Variants in EXOC4 observed in about 807,000 individuals in gnomAD.
The protein encoded by EXOC4 is exocyst complex component 4.
A neutral mutation model predicts 107.2 loss-of-function variants in EXOC4; 71 were observed. The ratio of observed to expected loss-of-function variants is 0.66; its 90% CI spans 0.55 to 0.81. The LOEUF is 0.81. EXOC4 is among the 30% of genes least tolerant of loss of function. The pLI, the probability that EXOC4 is intolerant of heterozygous loss-of-function variation, is 0.00. For missense variants in EXOC4, 1,108 were observed against 1,189.6 expected (o/e 0.93, Z 1.01); for synonymous variants, 456 against 441.2 (o/e 1.03, Z -0.42).
At chr7:133,291,903 T>C (rs1017113910) in intron 3 of EXOC4, among the ~76,000 whole-genome samples, 3 of 152,168 alleles carry the variant, frequency 2.0e-5, no homozygotes, top group East Asian at 3.9e-4. Context: ...CAGCAACTTA[T>C]CACATATGCA....
chr7:133,270,335 GC>G (rs1793838181), intron 1 of EXOC4, among the ~76,000 whole-genome samples: 1 of 152,128 alleles, frequency 6.6e-6, no homozygotes, highest in Admixed American at 6.5e-5. Context: ...GGATGTTTTT[GC>G]AATAAATTAA....
At chr7:134,083,818 G>C in the EXOC4 span, among the ~76,000 whole-genome samples, 1 of 152,300 alleles carries the variant, frequency 6.6e-6, no homozygotes, top group East Asian at 1.9e-4. Context: ...CTCAACAGGA[G>C]GAATATCAAT....
chr7:133,957,900 C>T (rs1585278095), intron 14 of EXOC4, among the ~76,000 whole-genome samples: 1 of 152,310 alleles, frequency 6.6e-6, no homozygotes, highest in Non-Finnish European at 1.5e-5. Context: ...TTAACCCAGC[C>T]ACTATTGCCA....
intron 6 of EXOC4, among the ~76,000 whole-genome samples, chr7:133,364,312 T>A (rs1217141893): frequency 1.3e-5 from 2 of 151,838 alleles, no homozygotes; most frequent in East Asian, 3.9e-4. Flanking sequence ...AGTATTTTTT[T>A]TTTTTTTTTA....
chr7:134,068,398 G>T (rs939061802), downstream of EXOC4, among the ~76,000 whole-genome samples: 1 of 152,120 alleles, frequency 6.6e-6, no homozygotes, highest in Admixed American at 6.5e-5. Context: ...GTTTTATAAA[G>T]GGCAGTTCTC....
chr7:134,031,544 G>T (rs534747070), intron 17 of EXOC4, among the ~76,000 whole-genome samples: 2 of 152,172 alleles, frequency 1.3e-5, no homozygotes, highest in Non-Finnish European at 2.9e-5. Context: ...AGCTAACTAG[G>T]ACTAAGGAGC....
chr7:133,906,915 A>G (rs1799579762), intron 12 of EXOC4, among the ~76,000 whole-genome samples: 1 of 152,168 alleles, frequency 6.6e-6, no homozygotes, highest in Non-Finnish European at 1.5e-5. Context: ...ATGGCTTCTA[A>G]TAGAACTGTT....
intron 9 of EXOC4, among the ~76,000 whole-genome samples, chr7:133,515,649 T>C (rs1563093565): frequency 6.6e-6 from 1 of 152,102 alleles, no homozygotes; most frequent in South Asian, 2.1e-4. Flanking sequence ...TCAAATTTTT[T>C]GTAGTGACAA....
At chr7:133,517,536 G>T (rs1177922935) in intron 9 of EXOC4, among the ~76,000 whole-genome samples, 1 of 152,180 alleles carries the variant, frequency 6.6e-6, no homozygotes, top group East Asian at 1.9e-4. Context: ...GGCTGGGGAG[G>T]CCTCACAATC....
intron 10 of EXOC4, among the ~76,000 whole-genome samples, chr7:133,748,194 C>A (rs1004839851): frequency 1.3e-5 from 2 of 152,144 alleles, no homozygotes; most frequent in African/African-American, 4.8e-5. Flanking sequence ...AATTATTGAC[C>A]TGTCATCTTT....
At chr7:134,081,454 G>A in the EXOC4 span, among the ~76,000 whole-genome samples, 2 of 152,098 alleles carry the variant, frequency 1.3e-5, no homozygotes, top group Non-Finnish European at 2.9e-5. Flanking sequence ...TTGACATTCT[G>A]TATAACTCAA....
At chr7:133,599,043 A>G (rs1229178198) in intron 9 of EXOC4, among the ~76,000 whole-genome samples, 1 of 152,184 alleles carries the variant, frequency 6.6e-6, no homozygotes, top group African/African-American at 2.4e-5. Flanking sequence ...CTGGATTTCA[A>G]AGACTTTAGT....
At chr7:133,786,898 T>C (rs903911371) in intron 10 of EXOC4, among the ~76,000 whole-genome samples, 2 of 152,246 alleles carry the variant, frequency 1.3e-5, no homozygotes, top group Non-Finnish European at 2.9e-5. Context: ...GCTCAGAGTA[T>C]TGTGCTAGAA....
intron 12 of EXOC4, among the ~76,000 whole-genome samples, chr7:133,901,032 G>T (rs1799440716): frequency 6.6e-6 from 1 of 151,962 alleles, no homozygotes; most frequent in South Asian, 2.1e-4. Flanking sequence ...AACACACCTG[G>T]CTAATTTTTG....
chr7:133,464,133 T>C (rs934719798), intron 7 of EXOC4, among the ~76,000 whole-genome samples: 1 of 152,196 alleles, frequency 6.6e-6, no homozygotes, highest in African/African-American at 2.4e-5. Context: ...GTATGCGTTA[T>C]TAAAAAAATT....
chr7:133,338,295 TA>T (rs1394911115), intron 5 of EXOC4, among the ~76,000 whole-genome samples: 1 of 151,670 alleles, frequency 6.6e-6, no homozygotes, highest in Non-Finnish European at 1.5e-5. Flanking sequence ...ATTTTATTTT[TA>T]AAAATTTTTT....
chr7:133,399,665 G>A (rs764723816), intron 7 of EXOC4, among the ~76,000 whole-genome samples: 1 of 152,214 alleles, frequency 6.6e-6, no homozygotes, highest in Non-Finnish European at 1.5e-5. Flanking sequence ...AAGATATACT[G>A]TTGGACATCA....
At position 133,917,612 on chromosome 7, in the gene EXOC4, T is replaced by G. The variant is rs1194432362; in HGVS notation, c.1901T>G (p.Val634Gly). The G allele has an allele frequency of 6.2e-7, 1 of 1,613,960 alleles. No homozygotes were observed. Among genetic ancestry groups the G allele is most frequent in the Non-Finnish European group, 8.5e-7 (1 of 1,179,992 alleles). Residue 634 changes from valine to glycine, a missense_variant, in exon 13 of 18, where the codon GTC (valine) becomes GGC (glycine). Coordinates refer to ENST00000253861, the MANE Select transcript of EXOC4 (RefSeq NM_021807.4). Reference sequence around the variant, plus strand: ...ATTGTCCAGTCAGAAGAAAAACTTGTCATCAGTGCATCCTGGGCAAAAGAT... The same window carrying G: ...ATTGTCCAGTCAGAAGAAAAACTTGGCATCAGTGCATCCTGGGCAAAAGAT... ...RGIVQSEEKL[V>G]ISASWAKDDD...
chr7:134,016,740 T>G (rs1794916519), intron 17 of EXOC4, among the ~76,000 whole-genome samples: 1 of 152,236 alleles, frequency 6.6e-6, no homozygotes, highest in South Asian at 2.1e-4. Flanking sequence ...TACATAAATT[T>G]ATTTCCTACA....
Sources: gnomAD v4.1 joint callset for allele counts (sites outside exome capture counted in the v4.1 genomes callset) on GRCh38, gnomAD v4.1.1 for gene constraint, MANE v1.5 for transcripts, NCBI Gene and HGNC (gene_info 2026-07-23, HGNC 2026-07-21) for gene names.